HPD: variants seen among roughly 807,000 people sequenced by gnomAD.
HPD encodes the protein 4-hydroxyphenylpyruvate dioxygenase.
Under a neutral mutation model 56.9 loss-of-function variants are expected in HPD, and 35 were observed. That is an observed-to-expected ratio of 0.62 (90% CI 0.47 to 0.82). HPD has a LOEUF of 0.82. Among genes scored for constraint, HPD ranks in the 40% least tolerant of loss-of-function variants. HPD has a pLI of 0.00. For missense variants in HPD, 442 were observed against 506.8 expected (o/e 0.87, Z 1.23); for synonymous variants, 186 against 200.2 (o/e 0.93, Z 0.60).
At chr12:121,877,851 C>T in the HPD span, among the ~76,000 whole-genome samples, 6 of 152,180 alleles carry the variant, frequency 3.9e-5, no homozygotes, top group Non-Finnish European at 2.9e-5. Context: ...CCTGTGGGTA[C>T]ATGGGCCTGG....
chr12:121,859,089 G>A, upstream of HPD: 2 of 550,348 alleles, frequency 3.6e-6, no homozygotes, highest in Non-Finnish European at 6.6e-6. Context: ...GAAGCCAAGG[G>A]CAAGCTTTTC....
intron 7 of HPD, chr12:121,850,064 A>G: frequency 2.3e-6 from 1 of 435,844 alleles, no homozygotes; most frequent in Non-Finnish European, 4.3e-6. Flanking sequence ...TCAATGAAGC[A>G]CCTACTTCAT....
chr12:121,849,596 A>T (rs1251427074), intron 8 of HPD, 91 bp downstream of exon 8: 1 of 891,652 alleles, frequency 1.1e-6, no homozygotes, highest in Non-Finnish European at 1.9e-6. Context: ...TTCTGCCCCA[A>T]CACACATGCG....
chr12:121,880,340 C>T, the HPD span, among the ~76,000 whole-genome samples: 4 of 151,950 alleles, frequency 2.6e-5, no homozygotes, highest in South Asian at 2.1e-4. Flanking sequence ...GGATTACATG[C>T]GCCCACCATC....
chr12:121,857,360 C>T lies in HPD; in HGVS notation c.166G>A (p.Glu56Lys). 6.2e-7 allele frequency: 1 copy of T among 1,614,034 alleles called. No individual in the cohort carries two copies. The highest frequency in any genetic ancestry group is 1.3e-5 in the African/African-American group (1 of 75,040). The change falls in exon 4 of 14, where the codon GAG (glutamate) becomes AAG (lysine). Residue 56 changes from glutamate (E) to lysine (K), a missense_variant. By Grantham distance (56) the Glu-to-Lys change is moderately conservative (BLOSUM62 1). Transcript: ENST00000289004. ...TGTTTGATTACATGGCTGACCACCT[C>T]CCGGGAACCGGTCTCCAGGCCCCTG... Reference protein sequence around the residue: ...AYRGLETGSREVVSHVIKQGK... With the variant: ...AYRGLETGSRKVVSHVIKQGK...
intron 7 of HPD, among the ~76,000 whole-genome samples, chr12:121,851,424 G>A (rs1877768372): frequency 1.3e-5 from 2 of 151,720 alleles, no homozygotes; most frequent in Admixed American, 1.3e-4. Context: ...TTGGCTCACT[G>A]CAACCTCTGT....
upstream of HPD, among the ~76,000 whole-genome samples, chr12:121,865,481 G>A (rs1046191617): frequency 1.3e-5 from 2 of 149,892 alleles, no homozygotes; most frequent in African/African-American, 2.4e-5. Context: ...TGTTGGCCAG[G>A]CTGGTCTCAC....
In HPD at chr12:121,858,812, G is replaced by A; in HGVS notation, c.3+9C>T. On this transcript the variant is annotated intron_variant, in intron 1 of 13. Coordinates refer to ENST00000289004, the MANE Select transcript of HPD (RefSeq NM_002150.3). ...GTCCCACCCAAGGGGAGATGGCCAT[G>A]GCACTTACCATGATTGATCTTAGTC... The A allele has an allele frequency of 6.2e-6, 10 of 1,614,152 alleles. No homozygotes were observed. The highest frequency in any genetic ancestry group is 7.6e-6 in the Non-Finnish European group (9 of 1,179,982).
intron 11 of HPD, among the ~76,000 whole-genome samples, chr12:121,845,895 T>G (rs776764067): frequency 2.0e-5 from 3 of 152,090 alleles, no homozygotes; most frequent in African/African-American, 7.2e-5. Flanking sequence ...TTAAAAAAAA[T>G]TTCTTTTTTG....
At chr12:121,840,634 CCT>C (rs1205453407) in intron 12 of HPD, among the ~76,000 whole-genome samples, 1 of 152,102 alleles carries the variant, frequency 6.6e-6, no homozygotes, top group Admixed American at 6.6e-5. Flanking sequence ...ATGTCATTCC[CCT>C]GTTTAAAATC....
the HPD span, among the ~76,000 whole-genome samples, chr12:121,885,113 A>ATTC: frequency 6.6e-6 from 1 of 151,004 alleles, no homozygotes; most frequent in Non-Finnish European, 1.5e-5. Flanking sequence ...CTAATCTCAA[A>ATTC]CTCCTGACCT....
In HPD at chr12:121,849,079, G is replaced by A; in HGVS notation, c.519-3C>T. 1.9e-6 allele frequency: 3 copies of A among 1,612,066 alleles called. No individual in the cohort carries two copies. Among genetic ancestry groups the A allele is most frequent in the South Asian group, 2.2e-5 (2 of 91,036 alleles). ...TCATCTCCAGACTGCATTTGGGCCT[G>A]GGAAGGGAAGAAGATGGGGGTGAGA... On this transcript the variant is annotated splice_region_variant and splice_polypyrimidine_tract_variant and intron_variant, in intron 8 of 13. Coordinates refer to ENST00000289004, the MANE Select transcript of HPD (RefSeq NM_002150.3).
At chr12:121,868,640 C>A in the HPD span, among the ~76,000 whole-genome samples, 182 of 151,890 alleles carry the variant, frequency 1.2e-3, no homozygotes, top group Admixed American at 3.5e-3. Flanking sequence ...CTGCCTCAGC[C>A]TCCTGAGTAG....
intron 7 of HPD, 116 bp downstream of exon 7, chr12:121,854,587 C>T: frequency 1.2e-6 from 1 of 810,680 alleles, no homozygotes; most frequent in South Asian, 1.3e-5. Flanking sequence ...ACTTGAGGGA[C>T]AATGTCTGTG....
At chr12:121,886,413 T>TG in the HPD span, among the ~76,000 whole-genome samples, 1 of 146,678 alleles carries the variant, frequency 6.8e-6, no homozygotes, top group African/African-American at 2.5e-5. Context: ...TGGCCTAGTT[T>TG]TTTTTTTTTT....
Position 121,843,748 on chromosome 12 carries a change from C to A in HPD, c.916G>T (p.Ala306Ser). The change falls in exon 12 of 14, where the codon GCC becomes TCC. Residue 306 changes from alanine to serine, a missense_variant. Ala to Ser is a moderately conservative substitution (Grantham distance 99). Coordinates refer to ENST00000289004, the MANE Select transcript of HPD (RefSeq NM_002150.3). Reference sequence around the variant, plus strand: ...ATGTTCTCCTTCACCTTGATCTTGGCCGTCTTCAGCTTCTCCCGCAGTTGT... The same window carrying A: ...ATGTTCTCCTTCACCTTGATCTTGGACGTCTTCAGCTTCTCCCGCAGTTGT... The part of the protein sequence containing the change: ...YKQLREKLKT[A>S]KIKVKENIDA... The A allele has an allele frequency of 6.8e-6, 11 of 1,614,072 alleles. No individual in the cohort carries two copies. Among genetic ancestry groups the A allele is most frequent in the Non-Finnish European group, 9.3e-6 (11 of 1,179,990 alleles).
the HPD span, among the ~76,000 whole-genome samples, chr12:121,881,071 G>A: frequency 2.0e-5 from 3 of 152,210 alleles, no homozygotes; most frequent in East Asian, 1.9e-4. Context: ...GATTACAGGC[G>A]TGAGCCAACG....
the HPD span, among the ~76,000 whole-genome samples, chr12:121,879,395 A>G: frequency 6.6e-6 from 1 of 152,284 alleles, no homozygotes; most frequent in East Asian, 1.9e-4. Flanking sequence ...AAGCCTACTG[A>G]TAATCCTTCA....
intron 4 of HPD, 186 bp downstream of exon 4, chr12:121,857,142 C>T (rs573419690): frequency 1.7e-4 from 99 of 591,288 alleles, no homozygotes; most frequent in Admixed American, 3.3e-4. Flanking sequence ...TGCAGTGGCA[C>T]GACGTTGGCT....
Sources: allele counts gnomAD v4.1 joint callset (sites outside exome capture counted in the v4.1 genomes callset), GRCh38; gene constraint gnomAD v4.1.1; transcripts MANE v1.5; gene names NCBI Gene and HGNC (gene_info 2026-07-23, HGNC 2026-07-21).